Variants in HTR6 observed in about 807,000 individuals in gnomAD.
HTR6 encodes 5-hydroxytryptamine (serotonin) receptor 6, G protein-coupled.
In HTR6, 15 loss-of-function variants were observed where a neutral mutation model predicts 17.4. The observed-to-expected ratio is 0.86, with a 90% CI of 0.58 to 1.33. The LOEUF is 1.33. Ranked by LOEUF, HTR6 falls within the 40% of genes most tolerant of loss-of-function variation. The pLI, the probability that HTR6 is intolerant of heterozygous loss-of-function variation, is 0.00. For synonymous variants in HTR6, 326 were observed against 295.5 expected (o/e 1.10, Z -1.06); for missense variants, 578 against 616.0 (o/e 0.94, Z 0.65).
In HTR6 at chr1:19,665,852, G is replaced by A; in HGVS notation, c.99G>A (p.Leu33=). Residue 33 remains leucine, a synonymous_variant, in exon 1 of 3, where the codon CTG becomes CTA. Transcript: ENST00000289753. The surrounding 1 kb of genome is among the most constrained non-coding windows in gnomAD (Gnocchi z 4.2). ...GCAGCGGCTGGGTGGCGGCCGCGCT[G>A]TGCGTGGTCATCGCGCTGACGGCGG... ...PGGSGWVAAA[L]CVVIALTAAA... is the part of the protein sequence containing the mutation. 6.3e-7 allele frequency: 1 copy of A among 1,589,496 alleles called. No homozygotes were observed. Among genetic ancestry groups the A allele is most frequent in the Non-Finnish European group, 8.6e-7 (1 of 1,168,576 alleles).
chr1:19,665,591 G>A lies in HTR6; in HGVS notation c.-163G>A, dbSNP rs200346906. The A allele has an allele frequency of 3.9e-5, 21 of 541,174 alleles. No homozygotes were observed. The highest frequency in any genetic ancestry group is 6.0e-5 in the African/African-American group (3 of 49,816). The allele number at this position is 541,174 out of a possible 1,614,324, so 33.5% of individuals were successfully genotyped here. On this transcript the variant is annotated 5_prime_UTR_variant, in exon 1 of 3. Coordinates refer to ENST00000289753, the MANE Select transcript of HTR6 (RefSeq NM_000871.3). The surrounding 1 kb of genome is among the most constrained non-coding windows in gnomAD (Gnocchi z 4.2). The stretch of plus-strand genomic sequence containing the variant: ...TAGTCGCTGCCCCCTGACCTAGCGC[G>A]ACCCAGCGCCCCCGCCCATGTCCCC...
In HTR6 at chr1:19,679,114, C is replaced by T; in HGVS notation, c.1069C>T (p.His357Tyr). The change falls in exon 3 of 3, where the codon CAC becomes TAC. Residue 357 changes from histidine to tyrosine, a missense_variant. By Grantham distance (83) the His-to-Tyr change is moderately conservative (BLOSUM62 2). Coordinates refer to ENST00000289753, the MANE Select transcript of HTR6 (RefSeq NM_000871.3). The surrounding 1 kb of genome is among the most constrained non-coding windows in gnomAD (Gnocchi z 4.9). Reference protein sequence around the residue: ...SLASPSLRTSHSGPRPGLSLQ... With the variant: ...SLASPSLRTSYSGPRPGLSLQ... ...GGCCTCGCCATCACTGCGCACCTCT[C>T]ACAGCGGCCCCCGGCCCGGCCTTAG... is the stretch of plus-strand genomic sequence containing the variant. The T allele has an allele frequency of 6.2e-7, 1 of 1,612,628 alleles. No homozygotes were observed.
chr1:19,679,315 G>C lies in HTR6; in HGVS notation c.1270G>C (p.Asp424His), dbSNP rs200119648. 1 of 1,606,660 alleles carries C rather than the reference G, an allele frequency of 6.2e-7. No individual in the cohort carries two copies. Among genetic ancestry groups the C allele is most frequent in the East Asian group, 2.2e-5 (1 of 44,730 alleles). The change falls in exon 3 of 3, where the codon GAC (aspartate) becomes CAC (histidine). Residue 424 changes from aspartate to histidine, a missense_variant. Physicochemically the swap from Asp to His is moderately conservative, Grantham distance 81. Transcript: ENST00000289753. This position sits in a 1 kb window ranked among gnomAD's most constrained non-coding sequence, Gnocchi z 4.9. ...TGCCGCCGTCAATTTCTTCAACATCGACCCCGCGGAGCCCGAGCTGCGGCC... is the reference window on the plus strand; with the variant it reads ...TGCCGCCGTCAATTTCTTCAACATCCACCCCGCGGAGCCCGAGCTGCGGCC... ...AAAAVNFFNIDPAEPELRPHP... is the reference protein window; with the variant it reads ...AAAAVNFFNIHPAEPELRPHP...
In HTR6 at chr1:19,679,623, G is replaced by A; in HGVS notation, c.*255G>A. 1 of 487,500 alleles carries A rather than the reference G, an allele frequency of 2.1e-6. No individual in the cohort carries two copies. Among genetic ancestry groups the A allele is most frequent in the South Asian group, 4.6e-5 (1 of 21,844 alleles). The allele number at this position is 487,500 out of a possible 1,614,324, so 30.2% of individuals were successfully genotyped here. ...AACTTGTGTGTGCAGAGGATGGGCT[G>A]GAGGACTCTGGATGTTGGGGAGAAG... On this transcript the variant is annotated 3_prime_UTR_variant, in exon 3 of 3. Coordinates refer to ENST00000289753, the MANE Select transcript of HTR6 (RefSeq NM_000871.3). The surrounding 1 kb of genome is among the most constrained non-coding windows in gnomAD (Gnocchi z 4.9).
rs201207633 is a variant in HTR6, at chr1:19,679,330, G to A, written c.1285G>A (p.Glu429Lys). 7.1e-5 allele frequency: 114 copies of A among 1,601,300 alleles called. No homozygotes were observed. The highest frequency in any genetic ancestry group is 1.8e-4 in the South Asian group (16 of 90,318). ...CTTCAACATCGACCCCGCGGAGCCCGAGCTGCGGCCGCATCCACTTGGCAT... is the reference window on the plus strand; with the variant it reads ...CTTCAACATCGACCCCGCGGAGCCCAAGCTGCGGCCGCATCCACTTGGCAT... ...NFFNIDPAEP[E>K]LRPHPLGIPT... The change falls in exon 3 of 3, where the codon GAG becomes AAG. Residue 429 changes from glutamate (E) to lysine (K), a missense_variant. Coordinates refer to ENST00000289753, the MANE Select transcript of HTR6 (RefSeq NM_000871.3). This position sits in a 1 kb window ranked among gnomAD's most constrained non-coding sequence, Gnocchi z 4.9.
intron 1 of HTR6, among the ~76,000 whole-genome samples, chr1:19,678,117 A>G (rs536111520): frequency 5.9e-5 from 9 of 152,152 alleles, no homozygotes; most frequent in Non-Finnish European, 1.2e-4. Flanking sequence ...GGCCTGTGTC[A>G]CGTATTGTCT....
chr1:19,671,746 G>A (rs1177500023), intron 1 of HTR6, among the ~76,000 whole-genome samples: 1 of 152,194 alleles, frequency 6.6e-6, no homozygotes, highest in Non-Finnish European at 1.5e-5. Context: ...CAGTTCCTCT[G>A]GGGTCAGAAC....
Position 19,679,428 on chromosome 1 carries a change from T to C in HTR6, c.*60T>C. On this transcript the variant is annotated 3_prime_UTR_variant, in exon 3 of 3. Transcript: ENST00000289753. The surrounding 1 kb of genome is among the most constrained non-coding windows in gnomAD (Gnocchi z 4.9). ...TGAGCAGAACCCAGACCCTGAGTCC[T>C]TGGGCCAGCTCTTGGCTAAGACCAG... 6.8e-7 allele frequency: 1 copy of C among 1,475,882 alleles called. No homozygotes were observed. Among genetic ancestry groups the C allele is most frequent in the Non-Finnish European group, 9.0e-7 (1 of 1,111,398 alleles). 91.4% of individuals were successfully genotyped at this position (1,475,882 alleles called of 1,614,324 possible). A position where few individuals can be genotyped will look rare whatever the true frequency, so the allele number is the denominator to read the frequency against.
chr1:19,680,843 T>C lies in HTR6; in HGVS notation c.*1475T>C, dbSNP rs2095101487. ...TCCATGCCTGGCCTGGCCCTCTCCT[T>C]GGTGCTGATGAGACACAACTCTGGC... On this transcript the variant is annotated 3_prime_UTR_variant, in exon 3 of 3. Coordinates refer to ENST00000289753, the MANE Select transcript of HTR6 (RefSeq NM_000871.3). Among the ~76,000 whole-genome samples, 1 of 152,294 alleles carries C rather than the reference T, an allele frequency of 6.6e-6. No individual in the cohort carries two copies. The highest frequency in any genetic ancestry group is 2.4e-5 in the African/African-American group (1 of 41,560).
rs2100480310 is a variant in HTR6, at chr1:19,680,440, T to C, written c.*1072T>C. Among the ~76,000 whole-genome samples, 1 of 152,174 alleles carries C rather than the reference T, an allele frequency of 6.6e-6. No homozygotes were observed. Among genetic ancestry groups the C allele is most frequent in the East Asian group, 1.9e-4 (1 of 5,188 alleles). On this transcript the variant is annotated 3_prime_UTR_variant, in exon 3 of 3. Transcript: ENST00000289753. ...CAGCTCCCAAGCTGCTGCCCTGCCTTTCCTGGGGGCAAAAGGGGCAGGTGG... is the reference window on the plus strand; with the variant it reads ...CAGCTCCCAAGCTGCTGCCCTGCCTCTCCTGGGGGCAAAAGGGGCAGGTGG...
chr1:19,671,103 C>T (rs2095087458), intron 1 of HTR6, among the ~76,000 whole-genome samples: 1 of 152,178 alleles, frequency 6.6e-6, no homozygotes, highest in African/African-American at 2.4e-5. Context: ...AGACATTAAT[C>T]ATCAAACTGT....
At position 19,679,381 on chromosome 1, in the gene HTR6, G is replaced by A; in HGVS notation, c.*13G>A. On this transcript the variant is annotated 3_prime_UTR_variant, in exon 3 of 3. Transcript: ENST00000289753. This position sits in a 1 kb window ranked among gnomAD's most constrained non-coding sequence, Gnocchi z 4.9. Reference sequence around the variant, plus strand: ...CCCCACGAACTGACCCGGGCTTGGGGCTGGCCAATGGGGAGCTGGATTGAG... The same window carrying A: ...CCCCACGAACTGACCCGGGCTTGGGACTGGCCAATGGGGAGCTGGATTGAG... The A allele has an allele frequency of 6.4e-7, 1 of 1,564,348 alleles. No homozygotes were observed. Among genetic ancestry groups the A allele is most frequent in the Non-Finnish European group, 8.7e-7 (1 of 1,152,960 alleles).
rs189239792 is a variant in HTR6 at position 19,667,067 on chromosome 1, G to A, written c.714+600G>A. On this transcript the variant is annotated intron_variant, in intron 1 of 2. Transcript: ENST00000289753. The stretch of plus-strand genomic sequence containing the variant: ...AAACCTGTCTCAGGATCTGGCCTCA[G>A]GATCCCACACTGCCATCCTCTCCAG... 5.2e-4 allele frequency among the ~76,000 whole-genome samples: 79 copies of A among 152,216 alleles called. 1 individual carries two copies. Among genetic ancestry groups the A allele is most frequent in the Middle Eastern group, 3.4e-3 (1 of 294 alleles).
At chr1:19,675,033 T>G (rs768258283) in intron 1 of HTR6, among the ~76,000 whole-genome samples, 3 of 152,220 alleles carry the variant, frequency 2.0e-5, no homozygotes, top group Non-Finnish European at 4.4e-5. Context: ...CATTGGCTTC[T>G]GCTCCATGAG....
At chr1:19,677,380 C>G (rs1269632002) in intron 1 of HTR6, among the ~76,000 whole-genome samples, 1 of 152,182 alleles carries the variant, frequency 6.6e-6, no homozygotes. Flanking sequence ...CCTCCCCGGG[C>G]CCATGCCTTC....
chr1:19,668,363 C>G (rs1298688305), intron 1 of HTR6, among the ~76,000 whole-genome samples: 1 of 152,120 alleles, frequency 6.6e-6, no homozygotes, highest in African/African-American at 2.4e-5. Context: ...ATAGCTCATT[C>G]CAGCCTGAAG....
chr1:19,679,106 G>C lies in HTR6; in HGVS notation c.1061G>C (p.Arg354Pro). ...RQASLASPSL[R>P]TSHSGPRPGL... ...GCCAGCCTGGCCTCGCCATCACTGC[G>C]CACCTCTCACAGCGGCCCCCGGCCC... Residue 354 changes from arginine (R) to proline (P), a missense_variant, in exon 3 of 3, where the codon CGC becomes CCC. Arg to Pro is a moderately radical substitution (Grantham distance 103). Coordinates refer to ENST00000289753, the MANE Select transcript of HTR6 (RefSeq NM_000871.3). The surrounding 1 kb of genome is among the most constrained non-coding windows in gnomAD (Gnocchi z 4.9). 2 of 1,613,066 alleles carry C rather than the reference G, an allele frequency of 1.2e-6. No homozygotes were observed. Among genetic ancestry groups the C allele is most frequent in the Non-Finnish European group, 1.7e-6 (2 of 1,179,620 alleles).
rs564550703 is a variant in HTR6 at position 19,677,921 on chromosome 1, G to C, written c.715-646G>C. 3.3e-5 allele frequency among the ~76,000 whole-genome samples: 5 copies of C among 152,266 alleles called. No homozygotes were observed. The South Asian group carries it at 1.0e-3, about 32-fold the overall frequency. On this transcript the variant is annotated intron_variant, in intron 1 of 2. Transcript: ENST00000289753. ...CGCCTGGCTAATTTTTGTATTTTTA[G>C]TAGAGGCAAGGTTTCACCCTGTTGG...
At position 19,678,577 on chromosome 1, in the gene HTR6, C is replaced by T. The variant is rs1279753273; in HGVS notation, c.725C>T (p.Thr242Ile). 2.5e-6 allele frequency: 4 copies of T among 1,612,430 alleles called. No individual in the cohort carries two copies. In the African/African-American group the frequency reaches 5.3e-5, roughly 22 times the overall value. ...CCTTCCTTTCCGCAGGTGCCCAGGA[C>T]CCCACGCCCAGGGGTGGAGTCTGCT... ...QASETLQVPR[T>I]PRPGVESADS... Residue 242 changes from threonine to isoleucine, a missense_variant, in exon 2 of 3, where the codon ACC (threonine) becomes ATC (isoleucine). Physicochemically the swap from Thr to Ile is moderately conservative, Grantham distance 89 (BLOSUM62 -1). Coordinates refer to ENST00000289753, the MANE Select transcript of HTR6 (RefSeq NM_000871.3).
Sources: allele counts gnomAD v4.1 joint callset (sites outside exome capture counted in the v4.1 genomes callset), GRCh38; gene constraint gnomAD v4.1.1; non-coding constraint Gnocchi (gnomAD v3.1); transcripts MANE v1.5; gene names NCBI Gene and HGNC (gene_info 2026-07-23, HGNC 2026-07-21).